Variants in NTRK2 observed in about 807,000 individuals in gnomAD.
NTRK2 encodes the protein BDNF/NT-3 growth factors receptor.
Under a neutral mutation model 94.5 loss-of-function variants are expected in NTRK2, and 13 were observed. The ratio of observed to expected loss-of-function variants is 0.14; its 90% CI spans 0.09 to 0.22. The LOEUF (loss-of-function observed/expected upper bound fraction) is 0.22. Ranked by LOEUF, NTRK2 falls within the 10% of genes least tolerant of loss-of-function variation. The probability of loss-of-function intolerance (pLI) is 1.00; values close to 1 mark genes in which losing one functional copy is unlikely to be tolerated. For synonymous variants in NTRK2, 372 were observed against 407.4 expected (o/e 0.91, Z 1.05); for missense variants, 639 against 1,071.2 (o/e 0.60, Z 5.63).
intron 2 of NTRK2, among the ~76,000 whole-genome samples, chr9:84,683,311 G>A (rs1168285484): frequency 6.6e-6 from 1 of 151,842 alleles, no homozygotes; most frequent in African/African-American, 2.4e-5. Flanking sequence ...CACATGCATT[G>A]GGTATTTGTC....
rs544217002 is a variant in NTRK2, at chr9:84,678,053, A to G, written c.212+7093A>G. Among the ~76,000 whole-genome samples the G allele has an allele frequency of 2.0e-4, 31 of 152,266 alleles. No individual in the cohort carries two copies. In the East Asian group the frequency reaches 6.0e-3, roughly 29 times the overall value. The stretch of plus-strand genomic sequence containing the variant: ...GAATTGTCTACACACACACACATAG[A>G]CACACACCATAATGTTGTATGTGTG... On this transcript the variant is annotated intron_variant, in intron 2 of 18. Transcript: ENST00000277120.
intron 12 of NTRK2, among the ~76,000 whole-genome samples, chr9:84,773,742 T>C (rs972107611): frequency 3.3e-5 from 5 of 152,206 alleles, no homozygotes; most frequent in Admixed American, 2.6e-4. Context: ...AATCACAGAA[T>C]TGGATTTGAG....
chr9:84,744,560 A>G (rs1489799342), intron 10 of NTRK2, among the ~76,000 whole-genome samples: 1 of 152,018 alleles, frequency 6.6e-6, no homozygotes, highest in Admixed American at 6.6e-5. Context: ...TCCTCCACTG[A>G]TATTCTTCAG....
intron 14 of NTRK2, among the ~76,000 whole-genome samples, chr9:84,926,534 GTTTC>G (rs572765372): frequency 1.6e-3 from 241 of 152,090 alleles, no homozygotes; most frequent in African/African-American, 5.6e-3. Flanking sequence ...ACCCGGCCCA[GTTTC>G]TTTCTTTTTT....
In NTRK2 at chr9:85,026,054, CTTTA is replaced by C. The variant is rs1179635592; in HGVS notation, c.*4626_*4629del. On this transcript the variant is annotated 3_prime_UTR_variant, in exon 19 of 19. Transcript: ENST00000277120. ...GCATTTCCCCTCCTTTTCCTTTGAC[CTTTA>C]TTTATTTAATTATGTATTTATTTAT... 5.7e-5 allele frequency: 13 copies of C among 226,586 alleles called. No homozygotes were observed. The highest frequency in any genetic ancestry group is 8.7e-5 in the Non-Finnish European group (10 of 114,362). 14.0% of individuals were successfully genotyped at this position (226,586 alleles called of 1,614,324 possible).
intron 17 of NTRK2, among the ~76,000 whole-genome samples, chr9:84,976,283 C>T (rs1274633130): frequency 1.3e-5 from 2 of 152,162 alleles, no homozygotes; most frequent in Non-Finnish European, 2.9e-5. Context: ...CTTGCTGTGT[C>T]CCTGTGTGGC....
At chr9:84,879,349 C>T (rs186185728) in intron 14 of NTRK2, among the ~76,000 whole-genome samples, 132 of 152,232 alleles carry the variant, frequency 8.7e-4, no homozygotes, top group Non-Finnish European at 1.6e-3. Context: ...CTTTTGTCCC[C>T]CACATTTGGA....
chr9:84,764,740 C>T (rs147065670), intron 12 of NTRK2, among the ~76,000 whole-genome samples: 40 of 152,228 alleles, frequency 2.6e-4, no homozygotes, highest in African/African-American at 8.7e-4. Context: ...AATCAGTATA[C>T]GGAAGAGATA....
intron 14 of NTRK2, among the ~76,000 whole-genome samples, chr9:84,932,210 C>A (rs2078061550): frequency 6.6e-6 from 1 of 152,192 alleles, no homozygotes; most frequent in African/African-American, 2.4e-5. Context: ...GTGGTACAGT[C>A]CTTCCACAGA....
rs201240178 is a variant in NTRK2 at position 84,876,833 on chromosome 9, A to G, written c.1633+9402A>G. 7.5e-6 allele frequency: 8 copies of G among 1,062,486 alleles called. No individual in the cohort carries two copies. In the African/African-American group the frequency reaches 8.2e-5, roughly 11 times the overall value. The allele number at this position is 1,062,486 out of a possible 1,614,324, so 65.8% of individuals were successfully genotyped here. A position where few individuals can be genotyped will look rare whatever the true frequency, so the allele number is the denominator to read the frequency against. Reference sequence around the variant, plus strand: ...TCTTTTCCAAGTGCTGTCAGAATGTATACATTTAGTCTGTCTTTTTCCCTT... The same window carrying G: ...TCTTTTCCAAGTGCTGTCAGAATGTGTACATTTAGTCTGTCTTTTTCCCTT... On this transcript the variant is annotated intron_variant, in intron 14 of 18. Coordinates refer to ENST00000277120, the MANE Select transcript of NTRK2 (RefSeq NM_006180.6).
intron 12 of NTRK2, among the ~76,000 whole-genome samples, chr9:84,821,657 C>T (rs752986796): frequency 1.3e-3 from 205 of 152,146 alleles, no homozygotes; most frequent in Non-Finnish European, 2.4e-3. Context: ...GCAAATGCTT[C>T]CATCCTTATT....
At chr9:84,923,229 T>A (rs1387551757) in intron 14 of NTRK2, among the ~76,000 whole-genome samples, 1 of 152,170 alleles carries the variant, frequency 6.6e-6, no homozygotes, top group Non-Finnish European at 1.5e-5. Flanking sequence ...CCTTCCTCTG[T>A]TCAGAGCGTT....
chr9:84,682,536 A>T (rs918507212), intron 2 of NTRK2, among the ~76,000 whole-genome samples: 3 of 151,966 alleles, frequency 2.0e-5, no homozygotes, highest in African/African-American at 7.3e-5. Flanking sequence ...TAGGGATAGG[A>T]TCCTATCTAA....
At chr9:85,020,127 AAC>A in intron 17 of NTRK2, 77 bp from the exon 18 acceptor site, 1 of 1,488,056 alleles carries the variant, frequency 6.7e-7, no homozygotes, top group Non-Finnish European at 9.4e-7. Context: ...AAGGAAAGCA[AAC>A]AGTGTCCCCC....
intron 12 of NTRK2, among the ~76,000 whole-genome samples, chr9:84,855,305 G>A (rs1188659536): frequency 6.6e-6 from 1 of 152,192 alleles, no homozygotes; most frequent in Non-Finnish European, 1.5e-5. Flanking sequence ...GGTGAGAGAT[G>A]ATGGATGCTT....
intron 12 of NTRK2, among the ~76,000 whole-genome samples, chr9:84,846,192 T>TAA (rs923103470): frequency 2.0e-5 from 3 of 152,212 alleles, no homozygotes; most frequent in African/African-American, 7.2e-5. Context: ...TGGCTAACAA[T>TAA]AATTTATTTG....
intron 16 of NTRK2, 36 bp downstream of exon 16, chr9:84,948,670 G>A (rs2132888881): frequency 6.2e-7 from 1 of 1,607,472 alleles, no homozygotes; most frequent in African/African-American, 1.3e-5. Flanking sequence ...CCAGGAGGGA[G>A]CAGGCCTTCA....
intron 14 of NTRK2, chr9:84,872,992 A>C: frequency 1.9e-6 from 2 of 1,064,102 alleles, no homozygotes; most frequent in Non-Finnish European, 2.3e-6. Flanking sequence ...CATATTTGCA[A>C]CATTACTTTG....
chr9:84,967,036 G>T (rs952116493), intron 17 of NTRK2, among the ~76,000 whole-genome samples: 14 of 152,160 alleles, frequency 9.2e-5, no homozygotes, highest in African/African-American at 3.4e-4. Flanking sequence ...TAGGTTCATT[G>T]AACCATGACA....
Sources: gnomAD v4.1 joint callset for allele counts (sites outside exome capture counted in the v4.1 genomes callset) on GRCh38, gnomAD v4.1.1 for gene constraint, MANE v1.5 for transcripts, NCBI Gene and HGNC (gene_info 2026-07-23, HGNC 2026-07-21) for gene names.